Variants in SYNE1 observed in about 807,000 individuals in gnomAD.
SYNE1 encodes the protein nesprin-1.
SYNE1 carries 616 observed loss-of-function variants against 1,111.0 expected under a neutral mutation model. That is an observed-to-expected ratio of 0.55 (90% CI 0.52 to 0.59). The LOEUF (loss-of-function observed/expected upper bound fraction) is 0.59, where lower values mean the gene tolerates loss of function less well. SYNE1 is among the 20% of genes least tolerant of loss of function. The pLI, the probability that SYNE1 is intolerant of heterozygous loss-of-function variation, is 0.00. For missense variants in SYNE1, 10,006 were observed against 10,417.0 expected (o/e 0.96, Z 1.72); for synonymous variants, 3,855 against 3,825.8 (o/e 1.01, Z -0.28).
In SYNE1 at chr6:152,509,167, C is replaced by T. The variant is rs943052753; in HGVS notation, c.581+1026G>A. Reference sequence around the variant, plus strand: ...CCTGATCACATCAGACTACAAAATACTTATATAATCAACTGAAAACTCCAT... The same window carrying T: ...CCTGATCACATCAGACTACAAAATATTTATATAATCAACTGAAAACTCCAT... On this transcript the variant is annotated intron_variant, in intron 8 of 145. Coordinates refer to ENST00000367255, the MANE Select transcript of SYNE1 (RefSeq NM_182961.4). 2.1e-4 allele frequency among the ~76,000 whole-genome samples: 32 copies of T among 151,736 alleles called. 1 individual carries two copies. Among genetic ancestry groups the T allele is most frequent in the African/African-American group, 7.5e-4 (31 of 41,336 alleles).
chr6:152,374,775 AAAAT>A (rs142488346), intron 58 of SYNE1, among the ~76,000 whole-genome samples: 104,163 of 149,552 alleles, frequency 0.7, 36,812 homozygotes, highest in African/African-American at 0.83. Flanking sequence ...ACTTTTCTCA[AAAAT>A]AAATAAATAA....
intron 11 of SYNE1, among the ~76,000 whole-genome samples, chr6:152,496,556 G>T (rs1300010063): frequency 6.6e-6 from 1 of 151,928 alleles, no homozygotes; most frequent in Admixed American, 6.6e-5. Context: ...TATGACAAAT[G>T]CTCCTTCTAA....
At chr6:152,571,400 C>CA (rs1284268197) in intron 3 of SYNE1, among the ~76,000 whole-genome samples, 4 of 152,060 alleles carry the variant, frequency 2.6e-5, no homozygotes, top group African/African-American at 9.7e-5. Flanking sequence ...AACAAACAAA[C>CA]AAAAAATGCC....
At chr6:152,603,280 G>A (rs754280393) in intron 3 of SYNE1, among the ~76,000 whole-genome samples, 29 of 152,138 alleles carry the variant, frequency 1.9e-4, no homozygotes, top group Non-Finnish European at 2.6e-4. Flanking sequence ...CATCAGAGTT[G>A]AGGGAGACTT....
At chr6:152,348,589 G>A (rs1182323659) in intron 72 of SYNE1, among the ~76,000 whole-genome samples, 4 of 152,054 alleles carry the variant, frequency 2.6e-5, no homozygotes. Flanking sequence ...GGAGGCTGAG[G>A]CAGAAGAATC....
At chr6:152,454,912 G>A (rs955546136) in intron 24 of SYNE1, among the ~76,000 whole-genome samples, 6 of 152,194 alleles carry the variant, frequency 3.9e-5, no homozygotes, top group Non-Finnish European at 7.4e-5. Flanking sequence ...TGAACATTAT[G>A]ACTAATATTC....
intron 11 of SYNE1, among the ~76,000 whole-genome samples, chr6:152,492,717 T>A (rs971398677): frequency 1.3e-5 from 2 of 152,220 alleles, no homozygotes; most frequent in Non-Finnish European, 2.9e-5. Context: ...GGAAGCCTCC[T>A]GGACCATCAC....
At chr6:152,210,173 C>A (rs1387629109) in intron 124 of SYNE1, among the ~76,000 whole-genome samples, 4 of 152,136 alleles carry the variant, frequency 2.6e-5, no homozygotes, top group African/African-American at 9.7e-5. Flanking sequence ...TCAGTAGGCT[C>A]TAATCTGATT....
chr6:152,430,146 G>T lies in SYNE1; in HGVS notation c.4754C>A (p.Ala1585Asp). 1 of 1,603,588 alleles carries T rather than the reference G, an allele frequency of 6.2e-7. No homozygotes were observed. The highest frequency in any genetic ancestry group is 2.2e-5 in the East Asian group (1 of 44,644). ...TTGAAGAACTTTGTATGTTTCTGTA[G>T]CTGAAGAACATATTTTAATTGGAAC... Reference protein sequence around the residue: ...LAVPIKICSSATETYKVLQEH... With the variant: ...LAVPIKICSSDTETYKVLQEH... Residue 1585 changes from alanine to aspartate, a missense_variant, in exon 36 of 146, where the codon GCT becomes GAT. Ala to Asp is a moderately radical substitution (Grantham distance 126). This residue lies in a region of SYNE1 where 1,971 missense variants were observed against 2,084.1 expected (regional missense o/e 0.95). Transcript: ENST00000367255.
chr6:152,258,937 A>G (rs9397092), intron 101 of SYNE1, among the ~76,000 whole-genome samples: 99,281 of 151,638 alleles, frequency 0.65, 32,972 homozygotes, highest in East Asian at 0.88. Flanking sequence ...TAGAGACAGG[A>G]TTTCCCCATG....
chr6:152,616,999 G>A (rs2099655478), intron 3 of SYNE1, among the ~76,000 whole-genome samples: 1 of 152,172 alleles, frequency 6.6e-6, no homozygotes, highest in Non-Finnish European at 1.5e-5. Context: ...GTCATTAACA[G>A]CTATGCAAAA....
At position 152,309,943 on chromosome 6, in the gene SYNE1, G is replaced by A. The variant is rs775315126; in HGVS notation, c.17094C>T (p.Ile5698=). 6.2e-7 allele frequency: 1 copy of A among 1,614,128 alleles called. No homozygotes were observed. The highest frequency in any genetic ancestry group is 8.5e-7 in the Non-Finnish European group (1 of 1,180,038). Residue 5698 remains isoleucine, a synonymous_variant, in exon 90 of 146, where the codon ATC becomes ATT. Coordinates refer to ENST00000367255, the MANE Select transcript of SYNE1 (RefSeq NM_182961.4). ...AVQLCQSALR[I]PEDVVASLPL... The stretch of plus-strand genomic sequence containing the variant: ...GTAAGCTGGCAACCACATCCTCGGG[G>A]ATCCGGAGGGCACTCTGGCAGAGCT...
chr6:152,383,040 A>G (rs969874825), intron 55 of SYNE1, among the ~76,000 whole-genome samples: 1 of 152,154 alleles, frequency 6.6e-6, no homozygotes, highest in Admixed American at 6.5e-5. Context: ...TGTGATAGGT[A>G]TGGTGTTGAA....
chr6:152,452,646 T>C (rs2098660734), intron 25 of SYNE1, among the ~76,000 whole-genome samples: 2 of 152,242 alleles, frequency 1.3e-5, no homozygotes, highest in South Asian at 4.2e-4. Flanking sequence ...CACCTCAAGG[T>C]AGTACACACT....
At position 152,278,215 on chromosome 6, in the gene SYNE1, G is replaced by C; in HGVS notation, c.18447C>G (p.Asn6149Lys). The change falls in exon 98 of 146, where the codon AAC becomes AAG. Residue 6149 changes from asparagine to lysine, a missense_variant. Physicochemically the swap from Asn to Lys is moderately conservative, Grantham distance 94. Transcript: ENST00000367255. ...TGTGAGCTTTGCCCTCCAGCAGCAGGTTCTCATTGTGGACTGACAGTTCTG... is the reference window on the plus strand; with the variant it reads ...TGTGAGCTTTGCCCTCCAGCAGCAGCTTCTCATTGTGGACTGACAGTTCTG... ...ALSELSVHNE[N>K]LLLEGKAHTK... 7 of 1,614,172 alleles carry C rather than the reference G, an allele frequency of 4.3e-6. No homozygotes were observed. Among genetic ancestry groups the C allele is most frequent in the Non-Finnish European group, 5.9e-6 (7 of 1,180,042 alleles).
chr6:152,378,277 C>A (rs1190982277), intron 56 of SYNE1, among the ~76,000 whole-genome samples: 2 of 152,090 alleles, frequency 1.3e-5, no homozygotes, highest in Non-Finnish European at 2.9e-5. Flanking sequence ...TTGCTGTGAC[C>A]ATTATTGTCT....
At chr6:152,412,866 T>TTTTTTTTC (rs2098087355) in intron 42 of SYNE1, among the ~76,000 whole-genome samples, 2 of 142,840 alleles carry the variant, frequency 1.4e-5, no homozygotes, top group Non-Finnish European at 3.0e-5. Flanking sequence ...TTTTTTTTTT[T>TTTTTTTTC]GGTGAGAAGG....
At chr6:152,527,763 A>G (rs2623932) in intron 4 of SYNE1, among the ~76,000 whole-genome samples, 92,217 of 152,012 alleles carry the variant, frequency 0.61, 28,346 homozygotes, top group East Asian at 0.75. Flanking sequence ...GAATTCTCAT[A>G]AAATAATAAA....
chr6:152,476,152 C>G (rs1471310457), intron 14 of SYNE1, among the ~76,000 whole-genome samples: 1 of 152,032 alleles, frequency 6.6e-6, no homozygotes, highest in African/African-American at 2.4e-5. Context: ...CCAATGACTC[C>G]GAATTTTTAT....
Sources: allele counts gnomAD v4.1 joint callset (sites outside exome capture counted in the v4.1 genomes callset), GRCh38; gene constraint gnomAD v4.1.1; regional missense constraint gnomAD v4.1.1; transcripts MANE v1.5; gene names NCBI Gene and HGNC (gene_info 2026-07-23, HGNC 2026-07-21).